The following KDM3B variants were observed in gnomAD, a reference collection of about 807,000 sequenced individuals.
The protein encoded by KDM3B is lysine-specific demethylase 3B.
A neutral mutation model predicts 170.0 loss-of-function variants in KDM3B; 10 were observed. The ratio of observed to expected loss-of-function variants is 0.06; its 90% CI spans 0.04 to 0.10. The LOEUF (loss-of-function observed/expected upper bound fraction) is 0.10. Ranked by LOEUF, KDM3B falls within the 10% of genes least tolerant of loss-of-function variation. The pLI is 1.00. For missense variants in KDM3B, 1,394 were observed against 2,195.2 expected, an observed-to-expected ratio of 0.64 and a Z score of 7.29; for synonymous variants, 831 against 834.8, an observed-to-expected ratio of 1.00 and a Z score of 0.08.
Position 138,391,506 on chromosome 5 carries a change from C to A in KDM3B, c.1874C>A (p.Pro625His). The A allele has an allele frequency of 6.2e-7, 1 of 1,614,058 alleles. No homozygotes were observed. Among genetic ancestry groups the A allele is most frequent in the Non-Finnish European group, 8.5e-7 (1 of 1,180,042 alleles). ...AATCATGAAAATCTATTTTTACAGC[C>A]CCCCAAATTGTCCCGAGAAGAGCCT... ...PENHENLFLQ[P>H]PKLSREEPSN... Residue 625 changes from proline to histidine, a missense_variant, in exon 8 of 24, where the codon CCC (proline) becomes CAC (histidine). Coordinates refer to ENST00000314358, the MANE Select transcript of KDM3B (RefSeq NM_016604.4). The surrounding 1 kb of genome is among the most constrained non-coding windows in gnomAD (Gnocchi z 5.0).
chr5:138,419,668 AAT>A lies in KDM3B; in HGVS notation c.3715+456_3715+457del, dbSNP rs767158831. Among the ~76,000 whole-genome samples the A allele has an allele frequency of 6.6e-4, 72 of 109,228 alleles. 2 individuals are homozygous for A. The highest frequency in any genetic ancestry group is 1.5e-3 in the South Asian group (5 of 3,326). The allele number at this position is 109,228 out of a possible 152,430, so 71.7% of individuals were successfully genotyped here. A position where few individuals can be genotyped will look rare whatever the true frequency, so the allele number is the denominator to read the frequency against. The stretch of plus-strand genomic sequence containing the variant: ...ACTCTGTCTCAAAAAAAAAAAAAAA[AAT>A]ATATATATATATATATATACATATA... On this transcript the variant is annotated intron_variant, in intron 14 of 23. Transcript: ENST00000314358.
chr5:138,357,839 CCTCCCAAGTAG>C (rs1441039069), intron 1 of KDM3B, among the ~76,000 whole-genome samples: 1 of 151,682 alleles, frequency 6.6e-6, no homozygotes, highest in Non-Finnish European at 1.5e-5. Context: ...TCTGCCTCAG[CCTCCCAAGTAG>C]CTGGGACTAC....
At position 138,391,664 on chromosome 5, in the gene KDM3B, C is replaced by T; in HGVS notation, c.2032C>T (p.His678Tyr). ...GGTGGCACCCAGCTGGCCCGAGTCT[C>T]ACTCCTCTGCAGATTCGGCATCTTT... ...SKVAPSWPES[H>Y]SSADSASLAK... Residue 678 changes from histidine to tyrosine, a missense_variant, in exon 8 of 24, where the codon CAC (histidine) becomes TAC (tyrosine). By Grantham distance (83) the His-to-Tyr change is moderately conservative (BLOSUM62 2). Transcript: ENST00000314358. This position sits in a 1 kb window ranked among gnomAD's most constrained non-coding sequence, Gnocchi z 5.0. 2 of 1,614,130 alleles carry T rather than the reference C, an allele frequency of 1.2e-6. No homozygotes were observed. Among genetic ancestry groups the T allele is most frequent in the Non-Finnish European group, 1.7e-6 (2 of 1,180,036 alleles).
In KDM3B at chr5:138,352,713, A is replaced by C; in HGVS notation, c.-83A>C. 2 of 1,005,182 alleles carry C rather than the reference A, an allele frequency of 2.0e-6. No homozygotes were observed. The highest frequency in any genetic ancestry group is 2.4e-6 in the Non-Finnish European group (2 of 828,054). 62.3% of individuals were successfully genotyped at this position (1,005,182 alleles called of 1,614,324 possible). On this transcript the variant is annotated 5_prime_UTR_variant, in exon 1 of 24. Coordinates refer to ENST00000314358, the MANE Select transcript of KDM3B (RefSeq NM_016604.4). ...CGGCGGCCGCGGGTGGTGCGGAGGGAGGCCTTGCGGGCGGATCGGGCGCTT... is the reference window on the plus strand; with the variant it reads ...CGGCGGCCGCGGGTGGTGCGGAGGGCGGCCTTGCGGGCGGATCGGGCGCTT...
intron 1 of KDM3B, among the ~76,000 whole-genome samples, chr5:138,358,702 C>G (rs1433176053): frequency 6.6e-6 from 1 of 151,996 alleles, no homozygotes; most frequent in Non-Finnish European, 1.5e-5. Flanking sequence ...TCAGTTGGTC[C>G]TCCTGCCTCA....
intron 22 of KDM3B, 74 bp from the exon 23 acceptor site, chr5:138,431,351 T>C (rs1763527548): frequency 1.6e-6 from 2 of 1,264,700 alleles, no homozygotes; most frequent in African/African-American, 3.0e-5. Context: ...TTTTTAACTA[T>C]ATCATGGACA....
chr5:138,375,643 G>T (rs1394914234), intron 3 of KDM3B, among the ~76,000 whole-genome samples: 1 of 152,106 alleles, frequency 6.6e-6, no homozygotes, highest in African/African-American at 2.4e-5. Flanking sequence ...CTCCCAAAGT[G>T]CTGGGATTAC....
chr5:138,413,191 C>G (rs927347621), intron 11 of KDM3B, among the ~76,000 whole-genome samples: 12 of 151,978 alleles, frequency 7.9e-5, no homozygotes, highest in African/African-American at 2.7e-4. Context: ...TGAGACCATC[C>G]TAGCTAACAT....
intron 1 of KDM3B, among the ~76,000 whole-genome samples, chr5:138,358,596 G>A (rs1234286500): frequency 1.5e-5 from 2 of 134,312 alleles, no homozygotes; most frequent in South Asian, 2.5e-4. Context: ...ATGAGCCACC[G>A]CACCCAGCCT....
intron 6 of KDM3B, among the ~76,000 whole-genome samples, chr5:138,384,148 A>G (rs1762195628): frequency 6.7e-6 from 1 of 150,340 alleles, no homozygotes; most frequent in Non-Finnish European, 1.5e-5. Flanking sequence ...CTGGAGGCTG[A>G]GGTAGGAGAA....
intron 22 of KDM3B, among the ~76,000 whole-genome samples, chr5:138,430,797 G>A (rs1763512108): frequency 6.6e-6 from 1 of 152,126 alleles, no homozygotes; most frequent in African/African-American, 2.4e-5. Context: ...GGCTGAGGCA[G>A]GAGAATCGCT....
rs144389568 is a variant in KDM3B, at chr5:138,386,375, A to T, written c.1134A>T (p.Thr378=). The T allele has an allele frequency of 1.6e-4, 264 of 1,614,068 alleles. No homozygotes were observed. The highest frequency in any genetic ancestry group is 3.3e-4 in the Middle Eastern group (2 of 6,084). The change falls in exon 7 of 24, where the codon ACA becomes ACT. Residue 378 remains threonine (T), a synonymous_variant. Transcript: ENST00000314358. ...VVQDEPVGGD[T]PASFTPYSTA... ...AGGATGAGCCTGTAGGTGGGGACACACCTGCATCTTTCACTCCATATTCTA... is the reference window on the plus strand; with the variant it reads ...AGGATGAGCCTGTAGGTGGGGACACTCCTGCATCTTTCACTCCATATTCTA...
intron 22 of KDM3B, among the ~76,000 whole-genome samples, 187 bp downstream of exon 22, chr5:138,430,612 G>A (rs570321918): frequency 6.6e-6 from 1 of 152,136 alleles, no homozygotes; most frequent in South Asian, 2.1e-4. Context: ...TAAACAGGGC[G>A]GTCCTGGTAG....
chr5:138,373,411 ATTAT>A (rs1401568887), intron 2 of KDM3B, among the ~76,000 whole-genome samples: 1 of 152,170 alleles, frequency 6.6e-6, no homozygotes, highest in Non-Finnish European at 1.5e-5. Context: ...GTTTTGAAAC[ATTAT>A]TTGTAACCTT....
intron 11 of KDM3B, among the ~76,000 whole-genome samples, chr5:138,401,316 G>A: frequency 6.7e-6 from 1 of 150,332 alleles, no homozygotes. Context: ...GTCTAGTCTA[G>A]TGCATAGCTA....
rs145355399 is a variant in KDM3B, at chr5:138,418,321, C to T, written c.3436-632C>T. On this transcript the variant is annotated intron_variant, in intron 13 of 23. Coordinates refer to ENST00000314358, the MANE Select transcript of KDM3B (RefSeq NM_016604.4). ...TCTCAAACTCCTGACATCAAGTGAT[C>T]CACCCACCTTGGACTCCCAAGATTC... 5.4e-3 allele frequency among the ~76,000 whole-genome samples: 822 copies of T among 152,120 alleles called. 7 individuals are homozygous for T. Among genetic ancestry groups the T allele is most frequent in the African/African-American group, 0.019 (772 of 41,516 alleles).
chr5:138,427,358 G>T (rs1034646700), intron 19 of KDM3B, 39 bp downstream of exon 19: 6 of 1,586,892 alleles, frequency 3.8e-6, no homozygotes, highest in Middle Eastern at 1.7e-4. Context: ...TTGGGGGACT[G>T]TTGTTCTTAT....
At position 138,398,441 on chromosome 5, in the gene KDM3B, T is replaced by C. The variant is rs745384043; in HGVS notation, c.3046+49T>C. ...TCCAGGTGCTCCTAGTGAAAAACTT[T>C]TATTTTCTTTCACTTAACGGGAAGA... On this transcript the variant is annotated intron_variant, in intron 10 of 23. Coordinates refer to ENST00000314358, the MANE Select transcript of KDM3B (RefSeq NM_016604.4). 3.3e-6 allele frequency: 5 copies of C among 1,534,018 alleles called. No homozygotes were observed. In the African/African-American group the frequency reaches 5.5e-5, roughly 17 times the overall value.
chr5:138,391,216 A>T lies in KDM3B; in HGVS notation c.1584A>T (p.Gln528His). The change falls in exon 8 of 24, where the codon CAA becomes CAT. Residue 528 changes from glutamine (Q) to histidine (H), a missense_variant. Gln to His is a conservative substitution (Grantham distance 24). Around this residue, in one of 19 missense-constraint regions of KDM3B, gnomAD observed 294 missense variants for 311.7 expected, o/e 0.94. Coordinates refer to ENST00000314358, the MANE Select transcript of KDM3B (RefSeq NM_016604.4). The surrounding 1 kb of genome is among the most constrained non-coding windows in gnomAD (Gnocchi z 5.0). The stretch of plus-strand genomic sequence containing the variant: ...ATCTCTCCAAAAACTTGTTTTTTCA[A>T]TGCATGTCCCAAACTTTACCTACCA... The part of the protein sequence containing the change: ...DTDLSKNLFF[Q>H]CMSQTLPTSN... The T allele has an allele frequency of 3.7e-6, 6 of 1,613,914 alleles. No individual in the cohort carries two copies. The highest frequency in any genetic ancestry group is 5.1e-6 in the Non-Finnish European group (6 of 1,179,920).
Sources: allele counts gnomAD v4.1 joint callset (sites outside exome capture counted in the v4.1 genomes callset), GRCh38; gene constraint gnomAD v4.1.1; regional missense constraint gnomAD v4.1.1; non-coding constraint Gnocchi (gnomAD v3.1); transcripts MANE v1.5; gene names NCBI Gene and HGNC (gene_info 2026-07-23, HGNC 2026-07-21).